DST: variants seen among roughly 807,000 people sequenced by gnomAD.
DST encodes the protein dystonin.
In DST, 253 loss-of-function variants were observed where a neutral mutation model predicts 875.2. The observed-to-expected ratio is 0.29, with a 90% CI of 0.26 to 0.32. The LOEUF (loss-of-function observed/expected upper bound fraction) is 0.32, where lower values mean the gene tolerates loss of function less well. Among genes scored for constraint, DST ranks in the 10% least tolerant of loss-of-function variants. The pLI is 1.00. For missense variants in DST, 8,287 were observed against 9,111.6 expected (o/e 0.91, Z 3.68); for synonymous variants, 3,124 against 3,197.1 (o/e 0.98, Z 0.77).
intron 4 of DST, among the ~76,000 whole-genome samples, chr6:56,780,630 T>C (rs188875057): frequency 0.04 from 6,041 of 151,974 alleles, 390 homozygotes; most frequent in African/African-American, 0.14. Context: ...ATATTAGCCC[T>C]TTGTCAGATG....
rs1431885503 is a variant in DST at position 56,936,868 on chromosome 6, A to C, written c.216+16917T>G. 4.6e-5 allele frequency among the ~76,000 whole-genome samples: 7 copies of C among 152,226 alleles called. No homozygotes were observed. In the East Asian group the frequency reaches 1.3e-3, roughly 29 times the overall value. The stretch of plus-strand genomic sequence containing the variant: ...CAAAAATTACCAAAGTGACTCAAGA[A>C]GAAAAGTAATCTGAATAGGCACATA... On this transcript the variant is annotated intron_variant, in intron 2 of 103. Coordinates refer to ENST00000680361, the MANE Select transcript of DST (RefSeq NM_001374736.1).
chr6:56,586,447 T>C (rs1257712256), intron 49 of DST, among the ~76,000 whole-genome samples: 1 of 151,598 alleles, frequency 6.6e-6, no homozygotes, highest in African/African-American at 2.4e-5. Context: ...TCCATTTGCT[T>C]GGTAGATCTT....
At chr6:56,803,908 G>T (rs1471217431) in intron 4 of DST, among the ~76,000 whole-genome samples, 1 of 152,200 alleles carries the variant, frequency 6.6e-6, no homozygotes, top group African/African-American at 2.4e-5. Flanking sequence ...TGTTAGAAAT[G>T]AAGGCAGCTT....
chr6:56,647,521 T>G (rs544079674), intron 13 of DST, among the ~76,000 whole-genome samples: 1 of 152,168 alleles, frequency 6.6e-6, no homozygotes, highest in African/African-American at 2.4e-5. Flanking sequence ...CCCAGTTTGA[T>G]CATGAAAATA....
chr6:56,535,615 A>T (rs929068111), intron 62 of DST, among the ~76,000 whole-genome samples: 6 of 152,366 alleles, frequency 3.9e-5, no homozygotes, highest in Non-Finnish European at 5.9e-5. Context: ...AAAACAGCAC[A>T]TTAGTCATTT....
At chr6:56,542,414 C>A in intron 61 of DST, 1 of 101,524 alleles carries the variant, frequency 9.8e-6, no homozygotes. Context: ...GCATGGTGTA[C>A]TACTAAGCTT....
At chr6:56,562,584 T>G (rs1379019547) in intron 55 of DST, among the ~76,000 whole-genome samples, 5 of 151,552 alleles carry the variant, frequency 3.3e-5, no homozygotes, top group African/African-American at 1.2e-4. Context: ...TAATTTGTAT[T>G]TATTTTTATT....
intron 3 of DST, among the ~76,000 whole-genome samples, chr6:56,861,266 C>T (rs1771013353): frequency 6.6e-6 from 1 of 152,204 alleles, no homozygotes; most frequent in African/African-American, 2.4e-5. Context: ...CTGGCACTCC[C>T]ACTGCCCTCT....
At chr6:56,633,134 C>G (rs544414877) in intron 27 of DST, 97 bp from the exon 28 acceptor site, 127 of 917,746 alleles carry the variant, frequency 1.4e-4, no homozygotes, top group Admixed American at 8.9e-5. Context: ...CCAATCTAAA[C>G]GAATAATCAT....
At chr6:56,641,338 G>GC (rs2098898997) in intron 17 of DST, among the ~76,000 whole-genome samples, 1 of 152,154 alleles carries the variant, frequency 6.6e-6, no homozygotes, top group African/African-American at 2.4e-5. Flanking sequence ...TATAATCACA[G>GC]CATTTTGGGA....
chr6:56,851,211 G>T, intron 4 of DST, 186 bp downstream of exon 4: 1 of 606,696 alleles, frequency 1.6e-6, no homozygotes, highest in Non-Finnish European at 2.9e-6. Flanking sequence ...TTAGTCACCA[G>T]CAGGCAGGGC....
In DST at chr6:56,560,371, TCTTTCAA is replaced by T; in HGVS notation, c.14356_14362del (p.Leu4786ThrfsTer3). On this transcript the variant is annotated frameshift_variant, in exon 58 of 104. Coordinates refer to ENST00000680361, the MANE Select transcript of DST (RefSeq NM_001374736.1). LOFTEE classifies it high-confidence loss of function. ...CTCCTCCAACAGCTCTGTCAATTTG[TCTTTCAA>T]CTCCTGTACTTTGTTTACATTCTGC... 6.2e-7 allele frequency: 1 copy of T among 1,607,770 alleles called. No individual in the cohort carries two copies. Among genetic ancestry groups the T allele is most frequent in the East Asian group, 2.2e-5 (1 of 44,762 alleles).
intron 4 of DST, among the ~76,000 whole-genome samples, chr6:56,839,176 G>A (rs1031373478): frequency 2.6e-5 from 4 of 152,194 alleles, no homozygotes; most frequent in Non-Finnish European, 5.9e-5. Flanking sequence ...GCCATCTTGT[G>A]ATCACAAAAC....
At chr6:56,654,937 G>C (rs1190501821) in intron 10 of DST, among the ~76,000 whole-genome samples, 1 of 151,992 alleles carries the variant, frequency 6.6e-6, no homozygotes, top group Non-Finnish European at 1.5e-5. Context: ...GAGATGGGAG[G>C]ATCACCTGAG....
Position 56,618,334 on chromosome 6 carries a change from A to T in DST, c.4930-3850T>A, listed in dbSNP as rs758030172. ...ATCTGGGTGTTGGGTGAAGGTGTCC[A>T]GTGTTTCTAGAGGACAGCTCTCCAG... On this transcript the variant is annotated intron_variant, in intron 36 of 103. Transcript: ENST00000680361. 30 of 1,614,024 alleles carry T rather than the reference A, an allele frequency of 1.9e-5. No homozygotes were observed. The East Asian group carries it at 6.2e-4, about 34-fold the overall frequency.
chr6:56,729,153 G>A (rs1347842769), intron 5 of DST, among the ~76,000 whole-genome samples: 2 of 152,086 alleles, frequency 1.3e-5, no homozygotes, highest in Non-Finnish European at 2.9e-5. Context: ...AAGTGAGTTC[G>A]ATAAGGCTAA....
chr6:56,640,708 A>G (rs1350126981), intron 17 of DST, 103 bp from the exon 18 acceptor site: 3 of 932,634 alleles, frequency 3.2e-6, no homozygotes, highest in South Asian at 1.4e-5. Flanking sequence ...TGATGTATCA[A>G]TGTTGGCTTA....
chr6:56,902,704 C>T (rs1176769672), intron 2 of DST, among the ~76,000 whole-genome samples: 6 of 152,202 alleles, frequency 3.9e-5, no homozygotes, highest in African/African-American at 2.4e-5. Flanking sequence ...CCTCTTCAAC[C>T]GAAAATAGTC....
chr6:56,878,186 G>A (rs562163192), intron 3 of DST, among the ~76,000 whole-genome samples: 1 of 152,332 alleles, frequency 6.6e-6, no homozygotes, highest in East Asian at 1.9e-4. Context: ...AAACCAAGAG[G>A]AGAGATTGTT....
Sources: gnomAD v4.1 joint callset for allele counts (sites outside exome capture counted in the v4.1 genomes callset) on GRCh38, gnomAD v4.1.1 for gene constraint, MANE v1.5 for transcripts, NCBI Gene and HGNC (gene_info 2026-07-23, HGNC 2026-07-21) for gene names.